TUBGCP4: variants seen among roughly 807,000 people sequenced by gnomAD.
TUBGCP4 encodes tubulin gamma complex component 4.
Under a neutral mutation model 91.6 loss-of-function variants are expected in TUBGCP4, and 54 were observed. That is an observed-to-expected ratio of 0.59 (90% CI 0.47 to 0.74). The LOEUF (loss-of-function observed/expected upper bound fraction) is 0.74. Among genes scored for constraint, TUBGCP4 ranks in the 30% least tolerant of loss-of-function variants. The pLI is 0.00. For missense variants in TUBGCP4, 593 were observed against 800.9 expected (o/e 0.74, Z 3.13); for synonymous variants, 297 against 302.8 (o/e 0.98, Z 0.20).
chr15:43,393,335 G>A (rs1336676928), intron 9 of TUBGCP4, among the ~76,000 whole-genome samples: 1 of 151,008 alleles, frequency 6.6e-6, no homozygotes, highest in African/African-American at 2.4e-5. Flanking sequence ...TCAGCCTCCC[G>A]AGCAGCTGGG....
chr15:43,379,432 G>C (rs2044254747), intron 5 of TUBGCP4, among the ~76,000 whole-genome samples: 2 of 152,140 alleles, frequency 1.3e-5, no homozygotes, highest in South Asian at 4.1e-4. Context: ...ACGAGGTCAG[G>C]AGATTGAGTC....
intron 10 of TUBGCP4, 22 bp downstream of exon 10, chr15:43,395,179 T>C: frequency 3.7e-6 from 6 of 1,613,742 alleles, no homozygotes; most frequent in Non-Finnish European, 5.1e-6. Context: ...GCTGTTGTAA[T>C]TCTTACGGTG....
At chr15:43,381,283 C>T (rs953272326) in intron 6 of TUBGCP4, among the ~76,000 whole-genome samples, 1 of 152,194 alleles carries the variant, frequency 6.6e-6, no homozygotes, top group African/African-American at 2.4e-5. Flanking sequence ...AGACCACATA[C>T]TCAGAAATGC....
intron 13 of TUBGCP4, 45 bp from the exon 14 acceptor site, chr15:43,399,999 G>T: frequency 2.0e-6 from 3 of 1,535,100 alleles, no homozygotes; most frequent in Non-Finnish European, 2.7e-6. Flanking sequence ...GGGAAGTGCA[G>T]GGGATGAAAT....
Position 43,408,331 on chromosome 15 carries a change from A to G in TUBGCP4, c.*3117A>G, listed in dbSNP as rs1164707366. On this transcript the variant is annotated 3_prime_UTR_variant, in exon 18 of 18. Coordinates refer to ENST00000564079, the MANE Select transcript of TUBGCP4 (RefSeq NM_014444.5). The stretch of plus-strand genomic sequence containing the variant: ...CATCTCTACAAAAGACAACAAAAAA[A>G]TTAGCTGGGTGTGGTGGCGAGTGCC... 1 of 400,234 alleles carries G rather than the reference A, an allele frequency of 2.5e-6. No homozygotes were observed. Among genetic ancestry groups the G allele is most frequent in the Non-Finnish European group, 4.6e-6 (1 of 218,864 alleles). The allele number at this position is 400,234 out of a possible 1,614,324, so 24.8% of individuals were successfully genotyped here. A position where few individuals can be genotyped will look rare whatever the true frequency, so the allele number is the denominator to read the frequency against.
intron 13 of TUBGCP4, among the ~76,000 whole-genome samples, chr15:43,398,804 A>T (rs577479806): frequency 1.3e-5 from 2 of 152,284 alleles, no homozygotes; most frequent in East Asian, 3.9e-4. Flanking sequence ...TGTCCTCATT[A>T]TTCACCTTCA....
Position 43,408,779 on chromosome 15 carries a change from A to T in TUBGCP4, c.*3565A>T. 1 of 1,026,750 alleles carries T rather than the reference A, an allele frequency of 9.7e-7. No homozygotes were observed. The highest frequency in any genetic ancestry group is 1.5e-5 in the South Asian group (1 of 65,794). The allele number at this position is 1,026,750 out of a possible 1,614,324, so 63.6% of individuals were successfully genotyped here. Reference sequence around the variant, plus strand: ...CTGAAGTCATTTCAAACCCACTCAAATTTATCCCACAGACATTCCAATTTC... The same window carrying T: ...CTGAAGTCATTTCAAACCCACTCAATTTTATCCCACAGACATTCCAATTTC... On this transcript the variant is annotated 3_prime_UTR_variant, in exon 18 of 18. Coordinates refer to ENST00000564079, the MANE Select transcript of TUBGCP4 (RefSeq NM_014444.5).
At position 43,380,168 on chromosome 15, in the gene TUBGCP4, G is replaced by A. The variant is rs758165417; in HGVS notation, c.521+5G>A. ...TGTTCGAAGTGCACTGGAAAAGTAA[G>A]TCATGGCTTAACTGGGAATTGGTGG... On this transcript the variant is annotated splice_donor_5th_base_variant and intron_variant, in intron 6 of 17. Coordinates refer to ENST00000564079, the MANE Select transcript of TUBGCP4 (RefSeq NM_014444.5). 1 of 1,613,450 alleles carries A rather than the reference G, an allele frequency of 6.2e-7. No homozygotes were observed. The highest frequency in any genetic ancestry group is 1.1e-5 in the South Asian group (1 of 91,032).
chr15:43,394,916 T>C, intron 9 of TUBGCP4, 191 bp from the exon 10 acceptor site: 1 of 604,884 alleles, frequency 1.7e-6, no homozygotes, highest in Non-Finnish European at 2.9e-6. Flanking sequence ...TCTTCATTAA[T>C]TACCCAGTCT....
chr15:43,401,855 G>A lies in TUBGCP4; in HGVS notation c.1731+5G>A. 2 of 1,614,014 alleles carry A rather than the reference G, an allele frequency of 1.2e-6. No individual in the cohort carries two copies. Among genetic ancestry groups the A allele is most frequent in the Non-Finnish European group, 1.7e-6 (2 of 1,179,948 alleles). On this transcript the variant is annotated splice_donor_5th_base_variant and intron_variant, in intron 15 of 17. Coordinates refer to ENST00000564079, the MANE Select transcript of TUBGCP4 (RefSeq NM_014444.5). The stretch of plus-strand genomic sequence containing the variant: ...TCCTTTATCCTATTGAAACCTGTAA[G>A]TAAGGCTCATTGGTTTCCTCAGACT...
At chr15:43,400,745 ATCTC>A (rs1201614676) in intron 14 of TUBGCP4, among the ~76,000 whole-genome samples, 28 of 151,790 alleles carry the variant, frequency 1.8e-4, no homozygotes, top group Admixed American at 5.2e-4. Context: ...GTGAAACACC[ATCTC>A]TACTAAAAAT....
Position 43,397,198 on chromosome 15 carries a change from G to A in TUBGCP4, c.1172-16G>A, listed in dbSNP as rs373775398. The A allele has an allele frequency of 1.4e-4, 230 of 1,605,170 alleles. 1 individual carries two copies. Among genetic ancestry groups the A allele is most frequent in the Non-Finnish European group, 1.7e-4 (199 of 1,171,950 alleles). ...TAGCCAAGCGTCCCTGTCAGCCTGCGTGTTCTTTCTTGCAGATGTGAATGT... is the reference window on the plus strand; with the variant it reads ...TAGCCAAGCGTCCCTGTCAGCCTGCATGTTCTTTCTTGCAGATGTGAATGT... On this transcript the variant is annotated splice_polypyrimidine_tract_variant and intron_variant, in intron 11 of 17. Transcript: ENST00000564079.
intron 15 of TUBGCP4, chr15:43,403,394 G>A: frequency 4.0e-6 from 1 of 250,162 alleles, no homozygotes; most frequent in East Asian, 9.2e-5. Flanking sequence ...TCAGAGGCAG[G>A]AAGACACTCT....
intron 17 of TUBGCP4, chr15:43,404,792 G>A: frequency 3.8e-6 from 2 of 526,022 alleles, no homozygotes; most frequent in Non-Finnish European, 6.7e-6. Flanking sequence ...CCTTTGCTAG[G>A]TTATGTATTG....
At chr15:43,373,629 C>G (rs1461580480) in intron 1 of TUBGCP4, among the ~76,000 whole-genome samples, 2 of 151,252 alleles carry the variant, frequency 1.3e-5, no homozygotes, top group Non-Finnish European at 2.9e-5. Flanking sequence ...GGCAGTTGGG[C>G]TCCAGAGACC....
chr15:43,376,614 T>C lies in TUBGCP4; in HGVS notation c.319T>C (p.Leu107=). 1 of 1,614,156 alleles carries C rather than the reference T, an allele frequency of 6.2e-7. No individual in the cohort carries two copies. The highest frequency in any genetic ancestry group is 8.5e-7 in the Non-Finnish European group (1 of 1,180,024). ...LQPYRQALLD[L]EQEFLGDPHL... ...GCCTTATCGCCAAGCACTGCTTGAT[T>C]TGGAACAAGAGGTAAGAAGGAGGAG... Residue 107 remains leucine (L), a synonymous_variant, in exon 3 of 18, where the codon TTG becomes CTG. Transcript: ENST00000564079.
At chr15:43,403,645 T>G in intron 15 of TUBGCP4, 38 bp from the exon 16 acceptor site, 1 of 1,442,678 alleles carries the variant, frequency 6.9e-7, no homozygotes, top group Non-Finnish European at 9.7e-7. Flanking sequence ...GGATGTACCT[T>G]CCTTCCTTTC....
At position 43,405,216 on chromosome 15, in the gene TUBGCP4, A is replaced by G. The variant is rs2044828762; in HGVS notation, c.*2A>G. ...CTCTTTTGTAGTTTCGGGATGTGAA[A>G]ATTTCTGGCTCATAAATTGAAATAA... On this transcript the variant is annotated 3_prime_UTR_variant, in exon 18 of 18. Coordinates refer to ENST00000564079, the MANE Select transcript of TUBGCP4 (RefSeq NM_014444.5). 5.6e-6 allele frequency: 9 copies of G among 1,614,126 alleles called. No individual in the cohort carries two copies. The highest frequency in any genetic ancestry group is 5.9e-6 in the Non-Finnish European group (7 of 1,179,994).
At chr15:43,377,627 AAG>A (rs2044227102) in intron 4 of TUBGCP4, 1 of 476,256 alleles carries the variant, frequency 2.1e-6, no homozygotes, top group East Asian at 4.2e-5. Flanking sequence ...AAAAAAAAAA[AAG>A]AAAAAAGAAA....
Sources: allele counts gnomAD v4.1 joint callset (sites outside exome capture counted in the v4.1 genomes callset), GRCh38; gene constraint gnomAD v4.1.1; transcripts MANE v1.5; gene names NCBI Gene and HGNC (gene_info 2026-07-23, HGNC 2026-07-21).